Variants in DYNC1I2 observed in about 807,000 individuals in gnomAD.
DYNC1I2 encodes cytoplasmic dynein 1 intermediate chain 2.
In DYNC1I2, 53 loss-of-function variants were observed where a neutral mutation model predicts 88.6. That is an observed-to-expected ratio of 0.60 (90% CI 0.48 to 0.75). The LOEUF (loss-of-function observed/expected upper bound fraction) is 0.75, where lower values mean the gene tolerates loss of function less well. Among genes scored for constraint, DYNC1I2 ranks in the 30% least tolerant of loss-of-function variants. The pLI is 0.00. For synonymous variants in DYNC1I2, 198 were observed against 254.6 expected (o/e 0.78, Z 2.12); for missense variants, 458 against 766.6 (o/e 0.60, Z 4.75).
Position 171,716,447 on chromosome 2 carries a change from A to C in DYNC1I2, c.511+1004A>C, listed in dbSNP as rs538503465. ...AGATGTTTAAATTAATGTATTTTTA[A>C]ATTTTTAATTAAATTACCATGTTTC... On this transcript the variant is annotated intron_variant, in intron 7 of 17. Transcript: ENST00000397119. Among the ~76,000 whole-genome samples, 3 of 152,290 alleles carry C rather than the reference A, an allele frequency of 2.0e-5. No individual in the cohort carries two copies. In the South Asian group the frequency reaches 6.2e-4, roughly 32 times the overall value.
At position 171,715,461 on chromosome 2, in the gene DYNC1I2, G is replaced by C. The variant is rs1377565113; in HGVS notation, c.511+18G>C. 2 of 1,468,524 alleles carry C rather than the reference G, an allele frequency of 1.4e-6. No homozygotes were observed. Among genetic ancestry groups the C allele is most frequent in the African/African-American group, 2.8e-5 (2 of 71,308 alleles). The allele number at this position is 1,468,524 out of a possible 1,614,324, so 91.0% of individuals were successfully genotyped here. A position where few individuals can be genotyped will look rare whatever the true frequency, so the allele number is the denominator to read the frequency against. On this transcript the variant is annotated intron_variant, in intron 7 of 17. Coordinates refer to ENST00000397119, the MANE Select transcript of DYNC1I2 (RefSeq NM_001378.3). ...CAAAGAAGGTGAATATCTATCCTTA[G>C]TATAATTGTCATTGAGCACCTATGT...
At chr2:171,712,536 G>A in intron 5 of DYNC1I2, 1 of 467,466 alleles carries the variant, frequency 2.1e-6, no homozygotes, top group Non-Finnish European at 3.8e-6. Context: ...AACTATTCTG[G>A]GTTGTATGCT....
intron 15 of DYNC1I2, among the ~76,000 whole-genome samples, chr2:171,732,736 C>T (rs1217901362): frequency 6.6e-6 from 1 of 152,220 alleles, no homozygotes; most frequent in African/African-American, 2.4e-5. Flanking sequence ...AGGCTTCATA[C>T]AGCCATGTAA....
rs531746401 is a variant in DYNC1I2 at position 171,694,808 on chromosome 2, A to G, written c.226+1914A>G. Among the ~76,000 whole-genome samples, 16 of 152,308 alleles carry G rather than the reference A, an allele frequency of 1.1e-4. No homozygotes were observed. In the South Asian group the frequency reaches 3.3e-3, roughly 32 times the overall value. ...CATGTCTCATGCAGTGAGCAAGAGC[A>G]AGAGGTGGGGGGAGGTGCCACACAG... On this transcript the variant is annotated intron_variant, in intron 3 of 17. Transcript: ENST00000397119.
At chr2:171,721,039 G>GT (rs1435486011) in intron 7 of DYNC1I2, among the ~76,000 whole-genome samples, 1 of 147,892 alleles carries the variant, frequency 6.8e-6, no homozygotes, top group Non-Finnish European at 1.5e-5. Flanking sequence ...GTAGTCCCAG[G>GT]TACTCAGGAG....
At chr2:171,704,009 C>G (rs1479242507) in intron 3 of DYNC1I2, among the ~76,000 whole-genome samples, 1 of 152,212 alleles carries the variant, frequency 6.6e-6, no homozygotes, top group African/African-American at 2.4e-5. Flanking sequence ...AAAACCCCTT[C>G]TTGCCAGAGG....
At chr2:171,728,110 G>A in intron 12 of DYNC1I2, 143 bp downstream of exon 12, 1 of 1,106,680 alleles carries the variant, frequency 9.0e-7, no homozygotes, top group Non-Finnish European at 1.2e-6. Context: ...AAGAATGAAG[G>A]CTATTTTTTT....
intron 15 of DYNC1I2, among the ~76,000 whole-genome samples, chr2:171,736,335 G>A (rs142554742): frequency 2.6e-5 from 4 of 152,216 alleles, no homozygotes; most frequent in East Asian, 1.9e-4. Flanking sequence ...AGTGCTAACC[G>A]GAACTAACAG....
chr2:171,693,179 T>C (rs972581369), intron 3 of DYNC1I2: 2 of 355,516 alleles, frequency 5.6e-6, no homozygotes, highest in Non-Finnish European at 5.3e-6. Flanking sequence ...GCAAGTTTTA[T>C]GTGCCATACT....
rs143732787 is a variant in DYNC1I2, at chr2:171,725,602, T to TG, written c.512-16_512-15insG. 2 of 977,824 alleles carry TG rather than the reference T, an allele frequency of 2.0e-6. No individual in the cohort carries two copies. The highest frequency in any genetic ancestry group is 2.7e-5 in the African/African-American group (1 of 37,676). The allele number at this position is 977,824 out of a possible 1,614,324, so 60.6% of individuals were successfully genotyped here. A position where few individuals can be genotyped will look rare whatever the true frequency, so the allele number is the denominator to read the frequency against. ...TGTTTTTTTGTTTTTTTGTTTGTTT[T>TG]TTTTTTTTTTTTCAGATGAAGAGGA... On this transcript the variant is annotated splice_polypyrimidine_tract_variant and intron_variant, in intron 7 of 17. Coordinates refer to ENST00000397119, the MANE Select transcript of DYNC1I2 (RefSeq NM_001378.3).
chr2:171,728,648 T>C (rs1688406403), intron 13 of DYNC1I2, 69 bp from the exon 14 acceptor site: 1 of 1,316,950 alleles, frequency 7.6e-7, no homozygotes, highest in Admixed American at 3.1e-5. Flanking sequence ...AATCAAAGAC[T>C]AGAAGTTTTT....
intron 6 of DYNC1I2, among the ~76,000 whole-genome samples, chr2:171,713,075 T>A (rs1222257095): frequency 6.6e-6 from 1 of 152,184 alleles, no homozygotes; most frequent in Non-Finnish European, 1.5e-5. Flanking sequence ...AATACAAGTT[T>A]TGTAGGATGT....
chr2:171,688,766 TCTC>T (rs761271115), intron 1 of DYNC1I2: 2 of 152,328 alleles, frequency 1.3e-5, no homozygotes, highest in Non-Finnish European at 2.9e-5. Context: ...TAGGTGAATT[TCTC>T]CTCTTGACTG....
intron 3 of DYNC1I2, among the ~76,000 whole-genome samples, chr2:171,700,468 T>G (rs918505790): frequency 6.6e-6 from 1 of 152,078 alleles, no homozygotes; most frequent in African/African-American, 2.4e-5. Flanking sequence ...GATTTCAACA[T>G]TTAAAAAAAT....
chr2:171,727,237 A>C (rs1218514277), intron 11 of DYNC1I2, among the ~76,000 whole-genome samples: 1 of 152,166 alleles, frequency 6.6e-6, no homozygotes, highest in Non-Finnish European at 1.5e-5. Flanking sequence ...GGAGTTTCCC[A>C]GGAACTTATT....
At chr2:171,706,796 A>G (rs891515205) in intron 4 of DYNC1I2, 26 of 452,882 alleles carry the variant, frequency 5.7e-5, no homozygotes, top group Non-Finnish European at 9.7e-5. Context: ...ACTTTTTGAA[A>G]GAAAAAATTA....
chr2:171,739,434 G>T (rs1476941401), intron 15 of DYNC1I2, among the ~76,000 whole-genome samples: 16 of 151,876 alleles, frequency 1.1e-4, no homozygotes, highest in Admixed American at 1.1e-3. Flanking sequence ...GTTAACACAT[G>T]ACCAATCTTG....
intron 16 of DYNC1I2, 31 bp from the exon 17 acceptor site, chr2:171,745,771 T>C (rs780692931): frequency 2.1e-5 from 34 of 1,604,330 alleles, no homozygotes; most frequent in African/African-American, 4.0e-5. Flanking sequence ...ATGAAACTTT[T>C]AACACTGTCC....
rs1424364106 is a variant in DYNC1I2 at position 171,749,240 on chromosome 2, C to G, written c.*1351C>G. ...ATGAGAAGTGTGATTTTAGCCAAGTCTGTGCCGCATTCTTTATATGTAGGA... is the reference window on the plus strand; with the variant it reads ...ATGAGAAGTGTGATTTTAGCCAAGTGTGTGCCGCATTCTTTATATGTAGGA... On this transcript the variant is annotated 3_prime_UTR_variant, in exon 18 of 18. Coordinates refer to ENST00000397119, the MANE Select transcript of DYNC1I2 (RefSeq NM_001378.3). Among the ~76,000 whole-genome samples the G allele has an allele frequency of 6.6e-6, 1 of 152,120 alleles. No homozygotes were observed. The highest frequency in any genetic ancestry group is 1.5e-5 in the Non-Finnish European group (1 of 67,980).
Sources: gnomAD v4.1 joint callset for allele counts (sites outside exome capture counted in the v4.1 genomes callset) on GRCh38, gnomAD v4.1.1 for gene constraint, MANE v1.5 for transcripts, NCBI Gene and HGNC (gene_info 2026-07-23, HGNC 2026-07-21) for gene names.